The following TCF12 variants were observed in gnomAD, a reference collection of about 807,000 sequenced individuals.
TCF12 encodes transcription factor 12, also known as DNA-binding protein HTF4.
Under a neutral mutation model 86.0 loss-of-function variants are expected in TCF12, and 45 were observed. The ratio of observed to expected loss-of-function variants is 0.52; its 90% CI spans 0.41 to 0.67. TCF12 has a LOEUF of 0.67. Among genes scored for constraint, TCF12 ranks in the 30% least tolerant of loss-of-function variants. The probability of loss-of-function intolerance (pLI) is 0.00; values close to 1 mark genes in which losing one functional copy is unlikely to be tolerated. For missense variants in TCF12, 881 were observed against 859.9 expected (o/e 1.02, Z -0.31); for synonymous variants, 330 against 299.6 (o/e 1.10, Z -1.05).
chr15:57,036,744 A>G (rs1475315097), intron 3 of TCF12, among the ~76,000 whole-genome samples: 2 of 152,124 alleles, frequency 1.3e-5, no homozygotes, highest in Non-Finnish European at 2.9e-5. Flanking sequence ...TTCTAAATAC[A>G]AATTCCTTAT....
intron 3 of TCF12, among the ~76,000 whole-genome samples, chr15:56,969,365 T>G (rs2062170760): frequency 6.6e-6 from 1 of 152,056 alleles, no homozygotes; most frequent in Admixed American, 6.6e-5. Flanking sequence ...AATTTGGATA[T>G]ATATCGGAGG....
intron 4 of TCF12, among the ~76,000 whole-genome samples, chr15:57,079,034 A>T (rs1489208218): frequency 1.3e-5 from 2 of 152,252 alleles, no homozygotes; most frequent in Non-Finnish European, 2.9e-5. Flanking sequence ...TTAACTCATT[A>T]TATTTTCGTA....
intron 12 of TCF12, 27 bp from the exon 13 acceptor site, chr15:57,243,445 C>T: frequency 1.9e-6 from 3 of 1,583,116 alleles, no homozygotes; most frequent in Non-Finnish European, 2.6e-6. Context: ...CATGTTGATA[C>T]ATGTATATTT....
At chr15:56,971,979 A>G (rs2062358045) in intron 3 of TCF12, among the ~76,000 whole-genome samples, 1 of 152,162 alleles carries the variant, frequency 6.6e-6, no homozygotes, top group East Asian at 1.9e-4. Context: ...AATATTATAA[A>G]ATTGCTTGTG....
At chr15:57,223,106 A>G (rs895869978) in intron 8 of TCF12, among the ~76,000 whole-genome samples, 1 of 151,974 alleles carries the variant, frequency 6.6e-6, no homozygotes, top group Non-Finnish European at 1.5e-5. Flanking sequence ...AACTTTGTTT[A>G]TCTGATTTAA....
At chr15:57,258,747 C>T (rs1177623223) in intron 16 of TCF12, among the ~76,000 whole-genome samples, 1 of 151,996 alleles carries the variant, frequency 6.6e-6, no homozygotes, top group Admixed American at 6.6e-5. Flanking sequence ...TGTAAGGCTA[C>T]CCTATATAAT....
chr15:57,003,154 G>A (rs2141071593), intron 3 of TCF12, among the ~76,000 whole-genome samples: 1 of 152,278 alleles, frequency 6.6e-6, no homozygotes, highest in African/African-American at 2.4e-5. Flanking sequence ...AAATCTGGAG[G>A]TAATGTAACA....
intron 3 of TCF12, among the ~76,000 whole-genome samples, chr15:57,030,775 T>C (rs1245166013): frequency 6.6e-6 from 1 of 152,240 alleles, no homozygotes; most frequent in Non-Finnish European, 1.5e-5. Context: ...CATATTCATA[T>C]ATAAGATTCA....
chr15:57,170,681 T>TCA (rs1567558007), intron 6 of TCF12, among the ~76,000 whole-genome samples: 12 of 1,760 alleles, frequency 6.8e-3, no homozygotes, highest in African/African-American at 0.015. Context: ...ATATAATATA[T>TCA]TATATATAAT....
chr15:57,008,131 CTTT>C (rs767016884), intron 3 of TCF12, among the ~76,000 whole-genome samples: 1 of 138,914 alleles, frequency 7.2e-6, no homozygotes. Flanking sequence ...TGGCTGATTT[CTTT>C]TTTTTTTTTT....
At chr15:57,208,623 G>A (rs1176199897) in intron 8 of TCF12, among the ~76,000 whole-genome samples, 4 of 151,602 alleles carry the variant, frequency 2.6e-5, no homozygotes, top group South Asian at 2.1e-4. Context: ...GGACTCAAGC[G>A]ATCCACCCAC....
chr15:57,216,993 T>TTTG (rs1183767293), intron 8 of TCF12, among the ~76,000 whole-genome samples: 2 of 152,082 alleles, frequency 1.3e-5, no homozygotes, highest in Non-Finnish European at 2.9e-5. Flanking sequence ...GGCATAGAGT[T>TTTG]TTGTTGTTGT....
At chr15:57,191,816 C>T (rs1257912303) in intron 6 of TCF12, among the ~76,000 whole-genome samples, 1 of 151,956 alleles carries the variant, frequency 6.6e-6, no homozygotes, top group East Asian at 1.9e-4. Flanking sequence ...CGCCTGTAAT[C>T]CCAGCTACTC....
In TCF12 at chr15:57,271,648, C is replaced by A. The variant is rs141813473; in HGVS notation, c.1746-1382C>A. On this transcript the variant is annotated intron_variant, in intron 18 of 20. Coordinates refer to ENST00000333725, the MANE Select transcript of TCF12 (RefSeq NM_207037.2). ...GAACCAGGTACCTCAGTTGGAAATG[C>A]AGAAATCACCCATCTTCTTCTTCGA... Among the ~76,000 whole-genome samples, 1,377 of 152,278 alleles carry A rather than the reference C, an allele frequency of 9.0e-3. 24 individuals carry two copies. Among genetic ancestry groups the A allele is most frequent in the African/African-American group, 0.031 (1,298 of 41,546 alleles).
At chr15:56,940,989 G>A (rs1180385784) in intron 3 of TCF12, among the ~76,000 whole-genome samples, 1 of 145,798 alleles carries the variant, frequency 6.9e-6, no homozygotes, top group East Asian at 2.1e-4. Context: ...TCAAACTCCT[G>A]ACCTCAAGCA....
At chr15:57,280,920 A>C (rs1567045636) in intron 19 of TCF12, among the ~76,000 whole-genome samples, 1 of 152,216 alleles carries the variant, frequency 6.6e-6, no homozygotes, top group Non-Finnish European at 1.5e-5. Flanking sequence ...ACAACTGTTA[A>C]CCTATACTAT....
intron 3 of TCF12, among the ~76,000 whole-genome samples, chr15:56,926,298 G>A (rs2060011452): frequency 7.0e-6 from 1 of 143,844 alleles, no homozygotes; most frequent in Admixed American, 7.2e-5. Context: ...GGGTGACAGA[G>A]GGAGACTCTG....
intron 3 of TCF12, among the ~76,000 whole-genome samples, chr15:56,976,042 G>A (rs1595925351): frequency 6.6e-6 from 1 of 151,936 alleles, no homozygotes; most frequent in Non-Finnish European, 1.5e-5. Context: ...CACCGTATAT[G>A]TTTAAATGGA....
intron 4 of TCF12, among the ~76,000 whole-genome samples, chr15:57,084,164 T>C (rs746692134): frequency 2.0e-5 from 3 of 152,214 alleles, no homozygotes; most frequent in Non-Finnish European, 4.4e-5. Context: ...AATAAAAATA[T>C]ATACGAGCAG....
Sources: allele counts gnomAD v4.1 joint callset (sites outside exome capture counted in the v4.1 genomes callset), GRCh38; gene constraint gnomAD v4.1.1; transcripts MANE v1.5; gene names NCBI Gene and HGNC (gene_info 2026-07-23, HGNC 2026-07-21).